The following TMC2 variants were observed in gnomAD, a reference collection of about 807,000 sequenced individuals.
TMC2 encodes transmembrane channel-like protein 2.
In TMC2, 102 loss-of-function variants were observed where a neutral mutation model predicts 105.9. The observed-to-expected ratio is 0.96, with a 90% CI of 0.82 to 1.14. The LOEUF (loss-of-function observed/expected upper bound fraction) is 1.14, where lower values mean the gene tolerates loss of function less well. Among genes scored for constraint, TMC2 ranks in the 50% most tolerant of loss-of-function variants. The probability of loss-of-function intolerance (pLI) is 0.00; values close to 1 mark genes in which losing one functional copy is unlikely to be tolerated. For synonymous variants in TMC2, 402 were observed against 422.8 expected, an observed-to-expected ratio of 0.95 and a Z score of 0.60; for missense variants, 1,093 against 1,134.3, an observed-to-expected ratio of 0.96 and a Z score of 0.52.
Position 2,575,234 on chromosome 20 carries a change from A to C in TMC2, c.645+2965A>C, listed in dbSNP as rs1390265492. On this transcript the variant is annotated intron_variant, in intron 5 of 19. Coordinates refer to ENST00000358864, the MANE Select transcript of TMC2 (RefSeq NM_080751.3). ...TACTGTGACAAACAATGCTTCAACA[A>C]ACACCTTTTACATTTATCTTGGATC... is the stretch of plus-strand genomic sequence containing the variant. Among the ~76,000 whole-genome samples the C allele has an allele frequency of 2.6e-5, 4 of 152,230 alleles. No individual in the cohort carries two copies. In the South Asian group the frequency reaches 8.3e-4, roughly 32 times the overall value.
At chr20:2,639,218 G>C (rs904221320) in intron 19 of TMC2, among the ~76,000 whole-genome samples, 3 of 152,176 alleles carry the variant, frequency 2.0e-5, no homozygotes, top group Admixed American at 6.5e-5. Flanking sequence ...TGTAAATTGA[G>C]TGTAACCTAA....
chr20:2,603,695 A>G (rs1432491596), intron 11 of TMC2, among the ~76,000 whole-genome samples: 1 of 152,248 alleles, frequency 6.6e-6, no homozygotes, highest in African/African-American at 2.4e-5. Flanking sequence ...TTGAAAACAC[A>G]GTGAGAGACC....
chr20:2,612,855 C>G (rs74671495), intron 13 of TMC2, among the ~76,000 whole-genome samples: 3,466 of 152,252 alleles, frequency 0.023, 52 homozygotes, highest in Non-Finnish European at 0.037. Flanking sequence ...GTGATGATGA[C>G]TACGATGCAT....
intron 5 of TMC2, among the ~76,000 whole-genome samples, chr20:2,575,530 GT>G (rs2086138009): frequency 6.6e-6 from 1 of 152,126 alleles, no homozygotes; most frequent in South Asian, 2.1e-4. Context: ...TTTTATTGCA[GT>G]AAGAACACTT....
In TMC2 at chr20:2,558,411, C is replaced by T; in HGVS notation, c.83-45C>T. On this transcript the variant is annotated intron_variant, in intron 2 of 19. Coordinates refer to ENST00000358864, the MANE Select transcript of TMC2 (RefSeq NM_080751.3). This position sits in a 1 kb window ranked among gnomAD's most constrained non-coding sequence, Gnocchi z 4.6. ...CACGGCCGGGGACATTTTCCTGGGC[C>T]TGAGGCCGTTGGAACCAGAACTGTC... is the stretch of plus-strand genomic sequence containing the variant. The T allele has an allele frequency of 6.5e-7, 1 of 1,548,702 alleles. No individual in the cohort carries two copies.
chr20:2,608,382 C>T (rs2086410478), intron 11 of TMC2, among the ~76,000 whole-genome samples: 1 of 150,696 alleles, frequency 6.6e-6, no homozygotes, highest in African/African-American at 2.4e-5. Flanking sequence ...GGCTGGAGTG[C>T]AGTGGCACGA....
At chr20:2,542,221 A>C (rs549660137) in intron 2 of TMC2, among the ~76,000 whole-genome samples, 16 of 152,308 alleles carry the variant, frequency 1.1e-4, no homozygotes, top group Admixed American at 3.3e-4. Context: ...AGGTGGTTAG[A>C]ATTTGGGGCT....
chr20:2,634,039 C>T (rs1360459654), intron 17 of TMC2, among the ~76,000 whole-genome samples: 1 of 152,348 alleles, frequency 6.6e-6, no homozygotes, highest in Non-Finnish European at 1.5e-5. Flanking sequence ...CCCTCTTTGA[C>T]TATCATCTTT....
intron 11 of TMC2, among the ~76,000 whole-genome samples, chr20:2,608,346 G>C (rs1245806094): frequency 2.1e-5 from 2 of 97,010 alleles, no homozygotes; most frequent in Non-Finnish European, 4.7e-5. Context: ...ATTATTATTT[G>C]AGATGAAGTC....
chr20:2,552,663 G>A (rs1472278657), intron 2 of TMC2, among the ~76,000 whole-genome samples: 2 of 151,858 alleles, frequency 1.3e-5, no homozygotes, highest in African/African-American at 4.8e-5. Flanking sequence ...ATACAGACTC[G>A]TGCCACCATG....
chr20:2,616,233 C>A lies in TMC2; in HGVS notation c.1940+29C>A. ...AGTTATCCATTTCATCTGGTGATCG[C>A]CTCATCCAAGGAGTCAAAAAACTGG... On this transcript the variant is annotated intron_variant, in intron 15 of 19. Transcript: ENST00000358864. The surrounding 1 kb of genome is among the most constrained non-coding windows in gnomAD (Gnocchi z 4.8). The A allele has an allele frequency of 6.3e-7, 1 of 1,592,792 alleles. No individual in the cohort carries two copies. The highest frequency in any genetic ancestry group is 8.6e-7 in the Non-Finnish European group (1 of 1,160,712).
Position 2,594,845 on chromosome 20 carries a change from A to G in TMC2, c.954A>G (p.Ala318=), listed in dbSNP as rs775413027. 3.1e-6 allele frequency: 5 copies of G among 1,614,026 alleles called. No homozygotes were observed. The highest frequency in any genetic ancestry group is 4.2e-6 in the Non-Finnish European group (5 of 1,179,998). Residue 318 remains alanine, a synonymous_variant, in exon 9 of 20, where the codon GCA becomes GCG. Transcript: ENST00000358864. ...CCCAGGGCTATATCAAGTACTCTGC[A>G]CTCTTCTATGGCTACTACAACAACC... is the stretch of plus-strand genomic sequence containing the variant. ...WDFEGYIKYS[A]LFYGYYNNQR...
At chr20:2,573,795 C>T (rs11907097) in intron 5 of TMC2, among the ~76,000 whole-genome samples, 8,789 of 150,956 alleles carry the variant, frequency 0.058, 902 homozygotes, top group African/African-American at 0.2. Flanking sequence ...CTCCTGACCT[C>T]GTGATCCGCC....
intron 4 of TMC2, among the ~76,000 whole-genome samples, chr20:2,567,504 T>C (rs1256912308): frequency 6.6e-6 from 1 of 152,250 alleles, no homozygotes; most frequent in African/African-American, 2.4e-5. Flanking sequence ...TCAACAGGTT[T>C]TAACACCAAG....
chr20:2,601,190 T>C (rs557338797), intron 10 of TMC2, among the ~76,000 whole-genome samples: 2 of 152,332 alleles, frequency 1.3e-5, no homozygotes, highest in African/African-American at 2.4e-5. Flanking sequence ...GTTGGCAAAC[T>C]ATGGCCCACA....
intron 11 of TMC2, among the ~76,000 whole-genome samples, chr20:2,608,567 A>G (rs1338124560): frequency 6.6e-6 from 1 of 152,008 alleles, no homozygotes; most frequent in Non-Finnish European, 1.5e-5. Context: ...AACCCAGGTG[A>G]TCCACCTGCC....
At chr20:2,628,974 C>A (rs6037151) in intron 17 of TMC2, among the ~76,000 whole-genome samples, 1 of 143,460 alleles carries the variant, frequency 7.0e-6, no homozygotes, top group African/African-American at 2.5e-5. Context: ...TGGTGGCGGG[C>A]GCCTGTGGTC....
intron 2 of TMC2, among the ~76,000 whole-genome samples, chr20:2,556,965 C>A (rs1271591167): frequency 6.6e-6 from 1 of 151,612 alleles, no homozygotes; most frequent in African/African-American, 2.4e-5. Context: ...TATCTTTATA[C>A]CAACAGGTAA....
At chr20:2,588,932 T>C (rs1030172748) in intron 7 of TMC2, among the ~76,000 whole-genome samples, 4 of 152,158 alleles carry the variant, frequency 2.6e-5, no homozygotes, top group African/African-American at 9.7e-5. Flanking sequence ...TAACTTCCAT[T>C]TGATTGTTTT....
Sources: allele counts gnomAD v4.1 joint callset (sites outside exome capture counted in the v4.1 genomes callset), GRCh38; gene constraint gnomAD v4.1.1; non-coding constraint Gnocchi (gnomAD v3.1); transcripts MANE v1.5; gene names NCBI Gene and HGNC (gene_info 2026-07-23, HGNC 2026-07-21).